CDH13: variants seen among roughly 807,000 people sequenced by gnomAD.
CDH13 encodes the protein cadherin-13.
Under a neutral mutation model 63.8 loss-of-function variants are expected in CDH13, and 24 were observed. That is an observed-to-expected ratio of 0.38 (90% CI 0.27 to 0.53). The LOEUF (loss-of-function observed/expected upper bound fraction) is 0.53, where lower values mean the gene tolerates loss of function less well. Among genes scored for constraint, CDH13 ranks in the 20% least tolerant of loss-of-function variants. The probability of loss-of-function intolerance (pLI) is 0.85; values close to 1 mark genes in which losing one functional copy is unlikely to be tolerated. For missense variants in CDH13, 1,049 were observed against 903.1 expected (o/e 1.16, Z -2.07); for synonymous variants, 503 against 355.3 (o/e 1.42, Z -4.67).
chr16:83,713,050 A>G (rs946873521), intron 10 of CDH13, among the ~76,000 whole-genome samples: 9 of 152,234 alleles, frequency 5.9e-5, no homozygotes, highest in African/African-American at 2.2e-4. Context: ...AAATGATCTG[A>G]GCACTTTAGG....
At chr16:83,394,800 T>A (rs894668354) in intron 6 of CDH13, among the ~76,000 whole-genome samples, 1 of 152,080 alleles carries the variant, frequency 6.6e-6, no homozygotes, top group African/African-American at 2.4e-5. Flanking sequence ...CGCAGGGGTT[T>A]GAAAGGGCTG....
intron 7 of CDH13, among the ~76,000 whole-genome samples, chr16:83,502,239 A>T (rs981117924): frequency 2.0e-5 from 3 of 152,210 alleles, no homozygotes; most frequent in African/African-American, 7.2e-5. Flanking sequence ...AATTATCCAG[A>T]TGGGCCTGAT....
At chr16:82,863,556 A>G (rs888821810) in intron 2 of CDH13, among the ~76,000 whole-genome samples, 1 of 152,252 alleles carries the variant, frequency 6.6e-6, no homozygotes, top group Non-Finnish European at 1.5e-5. Context: ...CATCTCCAAA[A>G]GAAGATTAAT....
At chr16:83,381,109 T>C (rs1017204292) in intron 6 of CDH13, among the ~76,000 whole-genome samples, 1 of 152,210 alleles carries the variant, frequency 6.6e-6, no homozygotes, top group Non-Finnish European at 1.5e-5. Context: ...GCTAAGTACT[T>C]CATGCTTATT....
At chr16:83,228,614 G>A (rs1029966217) in intron 5 of CDH13, among the ~76,000 whole-genome samples, 3 of 152,178 alleles carry the variant, frequency 2.0e-5, no homozygotes, top group Non-Finnish European at 4.4e-5. Flanking sequence ...AGACAGAGAC[G>A]CGGACGGGGC....
At chr16:83,099,942 A>C (rs542386903) in intron 3 of CDH13, among the ~76,000 whole-genome samples, 1 of 152,066 alleles carries the variant, frequency 6.6e-6, no homozygotes, top group African/African-American at 2.4e-5. Flanking sequence ...AAGCACCCAC[A>C]CTGTCCTACA....
chr16:83,088,641 C>T lies in CDH13; in HGVS notation c.367-36744C>T, dbSNP rs113862178. ...GATTGTTGTGAGAACAAAGTATTTA[C>T]ATTCTTCATATAATCAGAACTTTTC... On this transcript the variant is annotated intron_variant, in intron 3 of 13. Transcript: ENST00000567109. Among the ~76,000 whole-genome samples the T allele has an allele frequency of 3.8e-3, 580 of 152,302 alleles. 4 individuals carry two copies. The highest frequency in any genetic ancestry group is 0.013 in the African/African-American group (541 of 41,570).
chr16:83,425,365 G>A (rs1007986985), intron 6 of CDH13, among the ~76,000 whole-genome samples: 7 of 152,236 alleles, frequency 4.6e-5, no homozygotes, highest in Non-Finnish European at 8.8e-5. Context: ...GGAGAGCCCA[G>A]TTCTGGAATT....
At chr16:83,174,132 C>G (rs1318527058) in intron 4 of CDH13, among the ~76,000 whole-genome samples, 1 of 152,078 alleles carries the variant, frequency 6.6e-6, no homozygotes, top group Non-Finnish European at 1.5e-5. Context: ...TGCAACATTT[C>G]CATTTCAGGG....
chr16:83,503,979 A>T (rs2074341481), intron 7 of CDH13, among the ~76,000 whole-genome samples: 1 of 152,098 alleles, frequency 6.6e-6, no homozygotes, highest in Non-Finnish European at 1.5e-5. Flanking sequence ...GGGAAGGGAC[A>T]GCATTAGGAC....
At chr16:83,430,170 C>A (rs1227673520) in intron 6 of CDH13, among the ~76,000 whole-genome samples, 1 of 152,186 alleles carries the variant, frequency 6.6e-6, no homozygotes, top group Non-Finnish European at 1.5e-5. Context: ...ATTAGGGCTC[C>A]TGTGTTCACC....
At chr16:82,764,917 C>T (rs762726816) in intron 1 of CDH13, among the ~76,000 whole-genome samples, 4 of 151,252 alleles carry the variant, frequency 2.6e-5, no homozygotes, top group East Asian at 2.0e-4. Context: ...CAGGTTCAAG[C>T]GATTCTCCTG....
chr16:83,020,005 A>G (rs111342283), intron 2 of CDH13, among the ~76,000 whole-genome samples: 3 of 152,324 alleles, frequency 2.0e-5, no homozygotes, highest in African/African-American at 7.2e-5. Flanking sequence ...CACCACAAAC[A>G]CATGAGTAAT....
intron 1 of CDH13, among the ~76,000 whole-genome samples, chr16:82,851,628 G>A (rs2039491238): frequency 6.6e-6 from 1 of 151,834 alleles, no homozygotes; most frequent in South Asian, 2.1e-4. Context: ...ATTTTAAGGA[G>A]GTCAGACTCA....
At chr16:82,629,912 G>C (rs1907804420) in intron 1 of CDH13, among the ~76,000 whole-genome samples, 1 of 152,148 alleles carries the variant, frequency 6.6e-6, no homozygotes, top group Admixed American at 6.5e-5. Context: ...CTCCCTATTT[G>C]GGTAGCACTT....
chr16:82,683,736 C>G (rs138385449), intron 1 of CDH13, among the ~76,000 whole-genome samples: 1 of 152,270 alleles, frequency 6.6e-6, no homozygotes, highest in Non-Finnish European at 1.5e-5. Context: ...CTAGCTCAGT[C>G]CATACTTTCT....
chr16:82,894,133 G>A (rs747847099), intron 2 of CDH13, among the ~76,000 whole-genome samples: 2 of 152,290 alleles, frequency 1.3e-5, no homozygotes, highest in Middle Eastern at 3.4e-3. Flanking sequence ...ATTCAATGAT[G>A]AGTACATAGG....
chr16:83,320,761 G>C (rs1169576507), intron 5 of CDH13, among the ~76,000 whole-genome samples: 2 of 152,154 alleles, frequency 1.3e-5, no homozygotes, highest in Non-Finnish European at 2.9e-5. Context: ...CAAGCGCAAG[G>C]AATGAGAAAA....
intron 4 of CDH13, among the ~76,000 whole-genome samples, chr16:83,138,445 A>C (rs553706566): frequency 6.6e-6 from 1 of 152,232 alleles, no homozygotes. Context: ...AAGAGCAGGC[A>C]ACGCGAAGCT....
Sources: allele counts gnomAD v4.1 joint callset (sites outside exome capture counted in the v4.1 genomes callset), GRCh38; gene constraint gnomAD v4.1.1; transcripts MANE v1.5; gene names NCBI Gene and HGNC (gene_info 2026-07-23, HGNC 2026-07-21).